The following CELF2 variants were observed in gnomAD, a reference collection of about 807,000 sequenced individuals.
CELF2 encodes CUGBP Elav-like family member 2.
CELF2 carries 8 observed loss-of-function variants against 62.6 expected under a neutral mutation model. The observed-to-expected ratio is 0.13, with a 90% CI of 0.07 to 0.23. The LOEUF (loss-of-function observed/expected upper bound fraction) is 0.23. Ranked by LOEUF, CELF2 falls within the 10% of genes least tolerant of loss-of-function variation. CELF2 has a pLI of 1.00. For missense variants in CELF2, 333 were observed against 671.0 expected (o/e 0.50, Z 5.56); for synonymous variants, 258 against 250.0 (o/e 1.03, Z -0.30).
At chr10:10,842,097 G>T (rs1472175252) in intron 1 of CELF2, among the ~76,000 whole-genome samples, 2 of 151,934 alleles carry the variant, frequency 1.3e-5, no homozygotes, top group African/African-American at 2.4e-5. Flanking sequence ...GACTCCAATT[G>T]TTCATTGCTG....
the CELF2 span, among the ~76,000 whole-genome samples, chr10:10,581,066 A>C: frequency 3.9e-4 from 60 of 152,204 alleles, no homozygotes; most frequent in Admixed American, 1.6e-3. Flanking sequence ...TTGTGTTTTA[A>C]ATGTTGGTGA....
the CELF2 span, among the ~76,000 whole-genome samples, chr10:10,655,416 C>T: frequency 7.9e-6 from 1 of 126,176 alleles, no homozygotes; most frequent in Non-Finnish European, 1.7e-5. Context: ...ATCGCCAAGT[C>T]AATCCTAAGC....
At chr10:10,770,719 A>G in the CELF2 span, among the ~76,000 whole-genome samples, 7 of 149,066 alleles carry the variant, frequency 4.7e-5, no homozygotes, top group Non-Finnish European at 3.0e-5. Context: ...TTTCTTCTTC[A>G]TCAAATTGTA....
chr10:10,945,294 C>A (rs2047535637), intron 2 of CELF2, among the ~76,000 whole-genome samples: 1 of 152,290 alleles, frequency 6.6e-6, no homozygotes, highest in South Asian at 2.1e-4. Flanking sequence ...TGGGCCTTGG[C>A]TGATGAGCAG....
intron 1 of CELF2, among the ~76,000 whole-genome samples, chr10:10,810,997 A>G (rs1302487805): frequency 6.6e-6 from 1 of 152,208 alleles, no homozygotes; most frequent in African/African-American, 2.4e-5. Context: ...ACTCTCTTCC[A>G]GCTTCAGAGA....
chr10:11,260,967 TCAG>T lies in CELF2; in HGVS notation c.538+3098_538+3100del, dbSNP rs1422807687. 6.6e-6 allele frequency among the ~76,000 whole-genome samples: 1 copy of T among 152,220 alleles called. No homozygotes were observed. The highest frequency in any genetic ancestry group is 2.4e-5 in the African/African-American group (1 of 41,444). ...TAGTGGCACTGCAGATAAAGGGCAT[TCAG>T]CATTTCTGTTCTCAGCGTCTATTGC... On this transcript the variant is annotated intron_variant, in intron 5 of 12. Transcript: ENST00000633077. This position sits in a 1 kb window ranked among gnomAD's most constrained non-coding sequence, Gnocchi z 4.2.
chr10:10,658,260 C>T, the CELF2 span, among the ~76,000 whole-genome samples: 2 of 152,010 alleles, frequency 1.3e-5, no homozygotes, highest in Non-Finnish European at 2.9e-5. Flanking sequence ...TTGTCCCAAT[C>T]CCCTGCTCTT....
At chr10:11,001,626 C>T (rs906165407), upstream of CELF2, among the ~76,000 whole-genome samples, 1 of 152,140 alleles carries the variant, frequency 6.6e-6, no homozygotes, top group Non-Finnish European at 1.5e-5. Context: ...AGCTCACTGC[C>T]AATATTCTCA....
intron 4 of CELF2, among the ~76,000 whole-genome samples, chr10:11,251,657 C>A (rs2137448835): frequency 6.6e-6 from 1 of 152,160 alleles, no homozygotes; most frequent in South Asian, 2.1e-4. Context: ...AGTTATTTAA[C>A]CTTACTCAGC....
chr10:10,870,466 G>A (rs1339336452), intron 1 of CELF2, among the ~76,000 whole-genome samples: 12 of 152,096 alleles, frequency 7.9e-5, no homozygotes, highest in Admixed American at 6.5e-4. Flanking sequence ...TCATGGAAAC[G>A]CCGGTGTGGC....
Position 11,315,339 on chromosome 10 carries a change from C to T in CELF2, c.1096+1081C>T, listed in dbSNP as rs544556605. Among the ~76,000 whole-genome samples the T allele has an allele frequency of 3.5e-4, 53 of 152,228 alleles. 1 individual carries two copies. Among genetic ancestry groups the T allele is most frequent in the Admixed American group, 2.2e-3 (33 of 15,288 alleles). On this transcript the variant is annotated intron_variant, in intron 10 of 12. Transcript: ENST00000633077. This position sits in a 1 kb window ranked among gnomAD's most constrained non-coding sequence, Gnocchi z 5.8. Reference sequence around the variant, plus strand: ...CATTCTCATTTTTAATAAAGGAGTCCGTGACAGTTGTTGCCCTATTTTAAG... The same window carrying T: ...CATTCTCATTTTTAATAAAGGAGTCTGTGACAGTTGTTGCCCTATTTTAAG...
At chr10:11,294,852 A>G (rs1381266824) in intron 9 of CELF2, among the ~76,000 whole-genome samples, 1 of 152,226 alleles carries the variant, frequency 6.6e-6, no homozygotes, top group African/African-American at 2.4e-5. Context: ...CAGAGGCTGC[A>G]GTGACCAAGA....
chr10:10,696,709 G>A, the CELF2 span, among the ~76,000 whole-genome samples: 2 of 152,166 alleles, frequency 1.3e-5, no homozygotes, highest in African/African-American at 2.4e-5. Flanking sequence ...CTCGTGGTGC[G>A]CCGTTTTTTA....
At chr10:10,666,235 C>T in the CELF2 span, among the ~76,000 whole-genome samples, 1 of 152,184 alleles carries the variant, frequency 6.6e-6, no homozygotes, top group Non-Finnish European at 1.5e-5. Flanking sequence ...AAAACAGCTA[C>T]TGAATGTGCA....
At chr10:10,899,887 T>C (rs1438830122) in intron 1 of CELF2, among the ~76,000 whole-genome samples, 1 of 152,176 alleles carries the variant, frequency 6.6e-6, no homozygotes, top group Non-Finnish European at 1.5e-5. Context: ...TCACCTCCCA[T>C]CAGGCTCTAC....
At chr10:11,204,791 C>A (rs535850418) in intron 2 of CELF2, among the ~76,000 whole-genome samples, 2 of 152,214 alleles carry the variant, frequency 1.3e-5, no homozygotes, top group African/African-American at 2.4e-5. Flanking sequence ...TCCTCCTCCC[C>A]GTCCTCATCG....
intron 1 of CELF2, among the ~76,000 whole-genome samples, chr10:10,801,644 G>C (rs1224655806): frequency 6.6e-6 from 1 of 152,156 alleles, no homozygotes; most frequent in Admixed American, 6.5e-5. Context: ...GTCCTCATCT[G>C]ATTAACAAAT....
At chr10:11,204,507 T>G (rs1289853473) in intron 2 of CELF2, among the ~76,000 whole-genome samples, 1 of 152,160 alleles carries the variant, frequency 6.6e-6, no homozygotes, top group East Asian at 1.9e-4. Context: ...GAGTATACAG[T>G]AGGAACCTCC....
At chr10:10,894,051 G>T in intron 1 of CELF2, among the ~76,000 whole-genome samples, 1 of 151,954 alleles carries the variant, frequency 6.6e-6, no homozygotes, top group African/African-American at 2.4e-5. Context: ...AAATGAATGT[G>T]AGTCAGAAGC....
Sources: allele counts gnomAD v4.1 joint callset (sites outside exome capture counted in the v4.1 genomes callset), GRCh38; gene constraint gnomAD v4.1.1; non-coding constraint Gnocchi (gnomAD v3.1); transcripts MANE v1.5; gene names NCBI Gene and HGNC (gene_info 2026-07-23, HGNC 2026-07-21).